Variants in CCNG2 observed in about 807,000 individuals in gnomAD.
The protein encoded by CCNG2 is cyclin-G2.
CCNG2 carries 20 observed loss-of-function variants against 36.5 expected under a neutral mutation model. The observed-to-expected ratio is 0.55, with a 90% CI of 0.39 to 0.80. The LOEUF (loss-of-function observed/expected upper bound fraction) is 0.80. Among genes scored for constraint, CCNG2 ranks in the 30% least tolerant of loss-of-function variants. CCNG2 has a pLI of 0.00. For synonymous variants in CCNG2, 155 were observed against 140.1 expected, an observed-to-expected ratio of 1.11 and a Z score of -0.75; for missense variants, 358 against 390.8, an observed-to-expected ratio of 0.92 and a Z score of 0.71.
chr4:77,158,607 G>T lies in CCNG2; in HGVS notation c.75G>T (p.Leu25=). ...TTCTCGGGTTGTTGAACGTCTACCT[G>T]GAACAAGAAGAGAGATTCCAACCTC... ...VQLLGLLNVY[L]EQEERFQPRE... is the part of the protein sequence containing the mutation. The change falls in exon 2 of 8, where the codon CTG becomes CTT. Residue 25 remains leucine (L), a synonymous_variant. Coordinates refer to ENST00000316355, the MANE Select transcript of CCNG2 (RefSeq NM_004354.3). The T allele has an allele frequency of 6.2e-7, 1 of 1,614,138 alleles. No individual in the cohort carries two copies. Among genetic ancestry groups the T allele is most frequent in the Non-Finnish European group, 8.5e-7 (1 of 1,180,030 alleles).
chr4:77,161,367 G>T, intron 4 of CCNG2, 113 bp from the exon 5 acceptor site: 2 of 749,876 alleles, frequency 2.7e-6, no homozygotes, highest in Non-Finnish European at 4.3e-6. Context: ...CTTCCAAAGT[G>T]GTGGGATTAC....
intron 3 of CCNG2, 46 bp downstream of exon 3, chr4:77,159,550 G>A (rs377567656): frequency 6.3e-7 from 1 of 1,585,190 alleles, no homozygotes; most frequent in Non-Finnish European, 8.6e-7. Flanking sequence ...TCTATGCCCA[G>A]TGCCTAGCAC....
At chr4:77,162,419 GT>G (rs1731465967) in intron 6 of CCNG2, among the ~76,000 whole-genome samples, 1 of 108,676 alleles carries the variant, frequency 9.2e-6, no homozygotes, top group African/African-American at 3.6e-5. Context: ...GTCTTGCTCT[GT>G]TGCCCAAGCT....
chr4:77,168,565 A>C lies in CCNG2; in HGVS notation c.*2641A>C, dbSNP rs139561579. 2.0e-5 allele frequency: 3 copies of C among 152,298 alleles called. No individual in the cohort carries two copies. The East Asian group carries it at 5.8e-4, about 29-fold the overall frequency. 9.4% of individuals were successfully genotyped at this position (152,298 alleles called of 1,614,324 possible). A position where few individuals can be genotyped will look rare whatever the true frequency, so the allele number is the denominator to read the frequency against. The stretch of plus-strand genomic sequence containing the variant: ...TCTTGTCATTTCCTAGACCTTAAAA[A>C]ATGTGTATTGAGAAAGAACTCTGTT... On this transcript the variant is annotated 3_prime_UTR_variant, in exon 8 of 8. Transcript: ENST00000316355.
chr4:77,164,559 A>G, intron 7 of CCNG2, 80 bp downstream of exon 7: 2 of 1,051,574 alleles, frequency 1.9e-6, no homozygotes, highest in Non-Finnish European at 2.8e-6. Flanking sequence ...GGAATAGTGT[A>G]AGACATCAGA....
At chr4:77,160,655 A>T in intron 3 of CCNG2, 66 bp from the exon 4 acceptor site, 1 of 1,498,346 alleles carries the variant, frequency 6.7e-7, no homozygotes, top group Non-Finnish European at 9.1e-7. Context: ...GCATCATTAC[A>T]ATATTCTAAG....
chr4:77,161,542 T>G lies in CCNG2; in HGVS notation c.590T>G (p.Ile197Ser). ...CTGAAAGCTTGCAACTGCCGACTCA[T>G]CTTTTCAAAAGCAAAAGTAAGTCGA... The part of the protein sequence containing the change: ...AQLKACNCRL[I>S]FSKAKPSVLA... The change falls in exon 5 of 8, where the codon ATC becomes AGC. Residue 197 changes from isoleucine to serine, a missense_variant. Physicochemically the swap from Ile to Ser is moderately radical, Grantham distance 142. Transcript: ENST00000316355. 1 of 1,610,794 alleles carries G rather than the reference T, an allele frequency of 6.2e-7. No individual in the cohort carries two copies. The highest frequency in any genetic ancestry group is 2.2e-5 in the East Asian group (1 of 44,818).
At chr4:77,159,778 A>G (rs1187354237) in intron 3 of CCNG2, among the ~76,000 whole-genome samples, 1 of 152,242 alleles carries the variant, frequency 6.6e-6, no homozygotes, top group Non-Finnish European at 1.5e-5. Context: ...GGTATTTGCC[A>G]TATATTTATA....
rs545997023 is a variant in CCNG2, at chr4:77,164,649, T to TA, written c.911+172dup. 2.7e-4 allele frequency: 149 copies of TA among 555,384 alleles called. 1 individual carries two copies. In the African/African-American group the frequency reaches 2.7e-3, roughly 10 times the overall value. 34.4% of individuals were successfully genotyped at this position (555,384 alleles called of 1,614,324 possible). On this transcript the variant is annotated intron_variant, in intron 7 of 7. Coordinates refer to ENST00000316355, the MANE Select transcript of CCNG2 (RefSeq NM_004354.3). ...AGCAAATTAACCAGAAGTAGTATTTTAATATGTAATGATTTATAAGGTCCT... is the reference window on the plus strand; with the variant it reads ...AGCAAATTAACCAGAAGTAGTATTTTAAATATGTAATGATTTATAAGGTCCT...
In CCNG2 at chr4:77,160,359, C is replaced by CT. The variant is rs11353018; in HGVS notation, c.277-346dup. On this transcript the variant is annotated intron_variant, in intron 3 of 7. Coordinates refer to ENST00000316355, the MANE Select transcript of CCNG2 (RefSeq NM_004354.3). ...TTACATAATTTAAAGGTTCAAAAAA[C>CT]TTTTTTTTTTTTTTTTAAATAGAGA... 1.5e-3 allele frequency among the ~76,000 whole-genome samples: 210 copies of CT among 142,960 alleles called. 1 individual carries two copies. Among genetic ancestry groups the CT allele is most frequent in the South Asian group, 3.8e-3 (17 of 4,464 alleles). 93.8% of individuals were successfully genotyped at this position (142,960 alleles called of 152,430 possible).
intron 4 of CCNG2, among the ~76,000 whole-genome samples, chr4:77,161,193 C>T (rs1272457923): frequency 2.0e-5 from 3 of 149,966 alleles, no homozygotes; most frequent in African/African-American, 7.5e-5. Flanking sequence ...ACCTCCACTT[C>T]CCGGGTTCAA....
chr4:77,159,041 CAAAAG>C (rs1731352258), intron 2 of CCNG2, among the ~76,000 whole-genome samples: 1 of 152,204 alleles, frequency 6.6e-6, no homozygotes, highest in Non-Finnish European at 1.5e-5. Context: ...GAAAAGCAAA[CAAAAG>C]AACCCTTTCT....
intron 6 of CCNG2, among the ~76,000 whole-genome samples, chr4:77,163,851 C>A (rs1449337231): frequency 2.0e-5 from 3 of 152,158 alleles, no homozygotes; most frequent in Non-Finnish European, 2.9e-5. Flanking sequence ...GTTGCAGGAA[C>A]CCAAATTGGT....
Position 77,168,666 on chromosome 4 carries a change from G to A in CCNG2, c.*2742G>A, listed in dbSNP as rs1040907528. On this transcript the variant is annotated 3_prime_UTR_variant, in exon 8 of 8. Transcript: ENST00000316355. The stretch of plus-strand genomic sequence containing the variant: ...GTCTGACTGAACTAAGGCAGTGGAA[G>A]TGTGGATGAGGAAGAGAGGTGAAAA... 1.3e-5 allele frequency: 2 copies of A among 150,806 alleles called. No homozygotes were observed. The highest frequency in any genetic ancestry group is 2.9e-5 in the Non-Finnish European group (2 of 68,060). The allele number at this position is 150,806 out of a possible 1,614,324, so 9.3% of individuals were successfully genotyped here. A position where few individuals can be genotyped will look rare whatever the true frequency, so the allele number is the denominator to read the frequency against.
At chr4:77,164,204 C>G in intron 6 of CCNG2, 70 bp from the exon 7 acceptor site, 1 of 1,104,750 alleles carries the variant, frequency 9.1e-7, no homozygotes, top group Non-Finnish European at 1.4e-6. Flanking sequence ...TCATAGCTCA[C>G]CTAGTGATTC....
chr4:77,159,221 A>T, intron 2 of CCNG2, 146 bp from the exon 3 acceptor site: 1 of 652,888 alleles, frequency 1.5e-6, no homozygotes, highest in East Asian at 2.7e-5. Context: ...AAGCGATACC[A>T]CTCTTTCCAC....
In CCNG2 at chr4:77,169,286, T is replaced by C. The variant is rs1329141273; in HGVS notation, c.*3362T>C. ...ATCACACATGCAAATTGTCAGCTTA[T>C]TGAGACAACCCACTTAGATTCATAT... On this transcript the variant is annotated 3_prime_UTR_variant, in exon 8 of 8. Transcript: ENST00000316355. 1.3e-5 allele frequency: 2 copies of C among 152,232 alleles called. No homozygotes were observed. The highest frequency in any genetic ancestry group is 1.3e-4 in the Admixed American group (2 of 15,284). 9.4% of individuals were successfully genotyped at this position (152,232 alleles called of 1,614,324 possible). A position where few individuals can be genotyped will look rare whatever the true frequency, so the allele number is the denominator to read the frequency against.
Position 77,166,249 on chromosome 4 carries a change from GCTTAT to G in CCNG2, c.*330_*334del, listed in dbSNP as rs1404107511. 1.0e-4 allele frequency: 17 copies of G among 169,904 alleles called. No individual in the cohort carries two copies. The highest frequency in any genetic ancestry group is 1.6e-4 in the Non-Finnish European group (13 of 79,208). 10.5% of individuals were successfully genotyped at this position (169,904 alleles called of 1,614,324 possible). ...AAGATTTTTAAAAATAACTAGTGTAGCTTATCTTAAACATTTTATAAAACCTTCAG... is the reference window on the plus strand; with the variant it reads ...AAGATTTTTAAAAATAACTAGTGTAGCTTAAACATTTTATAAAACCTTCAG... On this transcript the variant is annotated 3_prime_UTR_variant, in exon 8 of 8. Transcript: ENST00000316355.
intron 1 of CCNG2, 100 bp from the exon 2 acceptor site, chr4:77,158,433 G>A: frequency 1.6e-6 from 2 of 1,221,062 alleles, no homozygotes; most frequent in Non-Finnish European, 1.2e-6. Flanking sequence ...GGGGTGTGCT[G>A]GGGCGACCCT....
Sources: allele counts gnomAD v4.1 joint callset (sites outside exome capture counted in the v4.1 genomes callset), GRCh38; gene constraint gnomAD v4.1.1; transcripts MANE v1.5; gene names NCBI Gene and HGNC (gene_info 2026-07-23, HGNC 2026-07-21).